Variants in FAT4 observed in about 807,000 individuals in gnomAD.
The protein encoded by FAT4 is FAT atypical cadherin 4.
Under a neutral mutation model 303.9 loss-of-function variants are expected in FAT4, and 84 were observed. The observed-to-expected ratio is 0.28, with a 90% CI of 0.23 to 0.33. FAT4 has a LOEUF of 0.33. Among genes scored for constraint, FAT4 ranks in the 10% least tolerant of loss-of-function variants. FAT4 has a pLI of 1.00. For missense variants in FAT4, 6,005 were observed against 6,146.8 expected (o/e 0.98, Z 0.77); for synonymous variants, 2,307 against 2,298.8 (o/e 1.00, Z -0.10).
intron 2 of FAT4, among the ~76,000 whole-genome samples, chr4:125,324,497 A>G (rs992116651): frequency 6.6e-6 from 1 of 152,194 alleles, no homozygotes; most frequent in African/African-American, 2.4e-5. Flanking sequence ...AGAAAAGCTG[A>G]GGAAATGAAG....
At chr4:125,416,714 G>A in intron 7 of FAT4, 92 bp downstream of exon 7, 2 of 1,286,016 alleles carry the variant, frequency 1.6e-6, no homozygotes, top group Non-Finnish European at 2.2e-6. Flanking sequence ...GGGAGGCCAA[G>A]GTGGATGGAT....
At chr4:125,482,171 A>G (rs1482823161) in intron 16 of FAT4, among the ~76,000 whole-genome samples, 1 of 152,216 alleles carries the variant, frequency 6.6e-6, no homozygotes, top group Non-Finnish European at 1.5e-5. Context: ...ATAAGGAAAA[A>G]CATTTTGAAA....
chr4:125,377,121 T>C (rs1733359087), intron 2 of FAT4, among the ~76,000 whole-genome samples: 1 of 152,142 alleles, frequency 6.6e-6, no homozygotes. Flanking sequence ...TTCATATAAA[T>C]GACACAGATG....
intron 3 of FAT4, among the ~76,000 whole-genome samples, chr4:125,399,351 A>C (rs1163196403): frequency 6.6e-6 from 1 of 152,026 alleles, no homozygotes; most frequent in Non-Finnish European, 1.5e-5. Context: ...TTATATATTA[A>C]GTTCAGCTAT....
At chr4:125,358,897 A>G (rs571654399) in intron 2 of FAT4, among the ~76,000 whole-genome samples, 4 of 152,298 alleles carry the variant, frequency 2.6e-5, no homozygotes, top group African/African-American at 9.6e-5. Flanking sequence ...AATCACTTAC[A>G]TTGTACTTTT....
Position 125,409,293 on chromosome 4 carries a change from G to T in FAT4, c.5920+499G>T, listed in dbSNP as rs143079935. 2.5e-3 allele frequency among the ~76,000 whole-genome samples: 364 copies of T among 146,870 alleles called. 4 individuals carry two copies. The highest frequency in any genetic ancestry group is 8.4e-3 in the Admixed American group (123 of 14,576). ...TTTTTTGAGACAGAGTTTCACTCTT[G>T]TTGCCCAGGCTGGAGTGCAATGATG... On this transcript the variant is annotated intron_variant, in intron 5 of 17. Transcript: ENST00000394329.
At chr4:125,413,093 A>AAT (rs907632539) in intron 5 of FAT4, among the ~76,000 whole-genome samples, 1 of 151,790 alleles carries the variant, frequency 6.6e-6, no homozygotes, top group African/African-American at 2.4e-5. Context: ...TGTTTGAGTA[A>AAT]ATATATATAC....
At chr4:125,347,912 T>C (rs1002513685) in intron 2 of FAT4, among the ~76,000 whole-genome samples, 5 of 151,774 alleles carry the variant, frequency 3.3e-5, no homozygotes, top group Admixed American at 3.3e-4. Context: ...AGTTAGCAGT[T>C]TATCATAATA....
chr4:125,322,311 T>G (rs2663264), intron 2 of FAT4, among the ~76,000 whole-genome samples: 63,941 of 151,960 alleles, frequency 0.42, 13,774 homozygotes, highest in South Asian at 0.54. Flanking sequence ...ATAGATACAC[T>G]CTGTTCTGTT....
chr4:125,329,954 A>G (rs184069181), intron 2 of FAT4, among the ~76,000 whole-genome samples: 3 of 152,274 alleles, frequency 2.0e-5, no homozygotes, highest in Admixed American at 2.0e-4. Context: ...ATTTCATGAT[A>G]ATTTCTCATC....
chr4:125,326,543 TA>T (rs1005757108), intron 2 of FAT4, among the ~76,000 whole-genome samples: 1 of 152,160 alleles, frequency 6.6e-6, no homozygotes, highest in African/African-American at 2.4e-5. Flanking sequence ...GATAAGTTAA[TA>T]AGTCGCTTAA....
chr4:125,491,442 A>G lies in FAT4; in HGVS notation c.14626A>G (p.Asn4876Asp). 1 of 1,614,166 alleles carries G rather than the reference A, an allele frequency of 6.2e-7. No individual in the cohort carries two copies. The highest frequency in any genetic ancestry group is 8.5e-7 in the Non-Finnish European group (1 of 1,179,996). ...TSRMPKLSQVNESDADDEDNY... is the reference protein window; with the variant it reads ...TSRMPKLSQVDESDADDEDNY... ...CAGAATGCCCAAATTATCTCAAGTCAATGAATCTGATGCAGATGATGAAGA... is the reference window on the plus strand; with the variant it reads ...CAGAATGCCCAAATTATCTCAAGTCGATGAATCTGATGCAGATGATGAAGA... The change falls in exon 18 of 18, where the codon AAT becomes GAT. Residue 4876 changes from asparagine (N) to aspartate (D), a missense_variant. Coordinates refer to ENST00000394329, the MANE Select transcript of FAT4 (RefSeq NM_001291303.3).
At chr4:125,471,377 T>TA (rs1726850146) in intron 12 of FAT4, among the ~76,000 whole-genome samples, 1 of 152,260 alleles carries the variant, frequency 6.6e-6, no homozygotes, top group South Asian at 2.1e-4. Flanking sequence ...CTTCAATTGG[T>TA]AAAAAATAAA....
rs202038981 is a variant in FAT4, at chr4:125,398,851, C to T, written c.5243C>T (p.Thr1748Met). ...PVFPTDMLDL[T>M]VEENIGDGSK... ...TTTCCAACGGACATGCTGGATCTCA[C>T]GGTAGAGGAGAACATTGGAGATGGC... The change falls in exon 3 of 18, where the codon ACG becomes ATG. Residue 1748 changes from threonine to methionine, a missense_variant. Thr to Met is a moderately conservative substitution (Grantham distance 81). Coordinates refer to ENST00000394329, the MANE Select transcript of FAT4 (RefSeq NM_001291303.3). 3.2e-5 allele frequency: 51 copies of T among 1,612,628 alleles called. No individual in the cohort carries two copies. Among genetic ancestry groups the T allele is most frequent in the South Asian group, 3.1e-4 (28 of 91,046 alleles).
rs1163431636 is a variant in FAT4 at position 125,492,638 on chromosome 4, G to A, written c.*870G>A. On this transcript the variant is annotated 3_prime_UTR_variant, in exon 18 of 18. Coordinates refer to ENST00000394329, the MANE Select transcript of FAT4 (RefSeq NM_001291303.3). ...TCCAACCAGATAACATTTACTCTAAGTACCCAGTTTTTATAATTTATATGA... is the reference window on the plus strand; with the variant it reads ...TCCAACCAGATAACATTTACTCTAAATACCCAGTTTTTATAATTTATATGA... 1.3e-5 allele frequency: 2 copies of A among 152,584 alleles called. No individual in the cohort carries two copies. The highest frequency in any genetic ancestry group is 1.9e-4 in the East Asian group (1 of 5,180). 9.5% of individuals were successfully genotyped at this position (152,584 alleles called of 1,614,324 possible).
intron 2 of FAT4, 71 bp downstream of exon 2, chr4:125,321,657 C>T (rs1730959084): frequency 2.1e-6 from 3 of 1,406,744 alleles, no homozygotes; most frequent in South Asian, 1.5e-5. Context: ...TATATTTACT[C>T]TCTATAATTG....
chr4:125,449,858 A>T lies in FAT4; in HGVS notation c.8848A>T (p.Arg2950Trp). Residue 2950 changes from arginine (R) to tryptophan (W), a missense_variant, in exon 10 of 18, where the codon AGG becomes TGG. Physicochemically the swap from Arg to Trp is moderately radical, Grantham distance 101 (BLOSUM62 -3). Coordinates refer to ENST00000394329, the MANE Select transcript of FAT4 (RefSeq NM_001291303.3). ...TGGCTTCAGTAATGTGAATATCAAC[A>T]GGCATAGTTTTATAGTGACATCTTC... ...VTGFSNVNIN[R>W]HSFIVTSSDR... 6.2e-7 allele frequency: 1 copy of T among 1,613,978 alleles called. No homozygotes were observed. The highest frequency in any genetic ancestry group is 8.5e-7 in the Non-Finnish European group (1 of 1,179,908).
intron 11 of FAT4, among the ~76,000 whole-genome samples, chr4:125,466,116 G>A (rs562858503): frequency 2.6e-5 from 4 of 152,090 alleles, no homozygotes; most frequent in South Asian, 4.2e-4. Context: ...AAATTTTTTC[G>A]ATACTTAGAT....
chr4:125,387,898 T>C (rs1191860976), intron 2 of FAT4, among the ~76,000 whole-genome samples: 1 of 152,172 alleles, frequency 6.6e-6, no homozygotes, highest in Non-Finnish European at 1.5e-5. Flanking sequence ...AGAATAATGT[T>C]GCATAATAAA....
Sources: allele counts gnomAD v4.1 joint callset (sites outside exome capture counted in the v4.1 genomes callset), GRCh38; gene constraint gnomAD v4.1.1; transcripts MANE v1.5; gene names NCBI Gene and HGNC (gene_info 2026-07-23, HGNC 2026-07-21).